RBPJ: variants seen among roughly 807,000 people sequenced by gnomAD.
RBPJ encodes the protein recombination signal binding protein for immunoglobulin kappa J region.
Under a neutral mutation model 67.8 loss-of-function variants are expected in RBPJ, and 9 were observed. The ratio of observed to expected loss-of-function variants is 0.13; its 90% confidence interval spans 0.08 to 0.23. The LOEUF (loss-of-function observed/expected upper bound fraction) is 0.23, where lower values mean the gene tolerates loss of function less well. RBPJ is among the 10% of genes least tolerant of loss of function. The pLI is 1.00. For synonymous variants in RBPJ, 198 were observed against 203.3 expected (o/e 0.97, Z 0.22); for missense variants, 305 against 595.6 (o/e 0.51, Z 5.08).
At chr4:26,378,001 G>C (rs188809287) in intron 1 of RBPJ, among the ~76,000 whole-genome samples, 1 of 152,070 alleles carries the variant, frequency 6.6e-6, no homozygotes, top group East Asian at 1.9e-4. Context: ...ACTGCGGAAG[G>C]GGAGATGAGA....
chr4:26,109,634 CTCTCTCTG>C, the RBPJ span, among the ~76,000 whole-genome samples: 3 of 32,558 alleles, frequency 9.2e-5, 1 homozygote, highest in African/African-American at 4.7e-4. Context: ...CTCTCTCTCT[CTCTCTCTG>C]TCTCTCTCTC....
chr4:26,174,480 A>G (rs1716725378), intron 1 of RBPJ, among the ~76,000 whole-genome samples: 1 of 151,954 alleles, frequency 6.6e-6, no homozygotes, highest in Non-Finnish European at 1.5e-5. Context: ...TTACTTATTT[A>G]TTTATTTGAG....
At chr4:26,167,431 C>G (rs1224976319) in intron 1 of RBPJ, among the ~76,000 whole-genome samples, 4 of 147,944 alleles carry the variant, frequency 2.7e-5, no homozygotes, top group Admixed American at 1.3e-4. Context: ...AGGTCCTTCA[C>G]GTCCCTTGTA....
rs1369900984 is a variant in RBPJ at position 26,272,642 on chromosome 4, G to A, written c.-166-89804G>A. The A allele has an allele frequency of 6.7e-6, 3 of 448,746 alleles. No homozygotes were observed. The Admixed American group carries it at 7.1e-5, about 11-fold the overall frequency. 27.8% of individuals were successfully genotyped at this position (448,746 alleles called of 1,614,324 possible). On this transcript the variant is annotated intron_variant, in intron 1 of 4. Transcript: ENST00000512351. ...TACAGATTTGGTTGCAGATGAACTT[G>A]CATTTTGTCTTCATTTTTTCCAAAG...
the RBPJ span, among the ~76,000 whole-genome samples, chr4:26,156,771 A>C: frequency 6.6e-6 from 1 of 151,890 alleles, no homozygotes; most frequent in African/African-American, 2.4e-5. Flanking sequence ...ATAATTTCTA[A>C]TTAAAACTAA....
the RBPJ span, among the ~76,000 whole-genome samples, chr4:26,142,054 C>T: frequency 7.9e-5 from 12 of 152,370 alleles, no homozygotes; most frequent in South Asian, 4.1e-4. Context: ...TGTTCCTTGC[C>T]GTGGTTAAGT....
At chr4:26,231,023 C>A (rs1004730804) in intron 1 of RBPJ, among the ~76,000 whole-genome samples, 1 of 152,166 alleles carries the variant, frequency 6.6e-6, no homozygotes, top group Non-Finnish European at 1.5e-5. Flanking sequence ...CATAAGCAGG[C>A]TCTATAAACA....
chr4:26,277,563 A>G (rs1324941796), intron 1 of RBPJ, among the ~76,000 whole-genome samples: 1 of 152,108 alleles, frequency 6.6e-6, no homozygotes, highest in Non-Finnish European at 1.5e-5. Context: ...AACCCGGCCA[A>G]GCTATAGGTG....
At position 26,204,861 on chromosome 4, in the gene RBPJ, G is replaced by A. The variant is rs548377114; in HGVS notation, c.-167+41247G>A. Among the ~76,000 whole-genome samples the A allele has an allele frequency of 2.0e-5, 3 of 152,282 alleles. No homozygotes were observed. In the East Asian group the frequency reaches 5.8e-4, roughly 29 times the overall value. On this transcript the variant is annotated intron_variant, in intron 1 of 4. Transcript: ENST00000512351. ...AGCCTTGTTTTATTACTGTTAGTGT[G>A]TGCCCTGGAGCATTCTTTCTGAGTT...
At chr4:26,243,727 A>T (rs572553381) in intron 1 of RBPJ, among the ~76,000 whole-genome samples, 1 of 152,326 alleles carries the variant, frequency 6.6e-6, no homozygotes, top group South Asian at 2.1e-4. Flanking sequence ...TTCATCTTCA[A>T]GAAACTATAA....
the RBPJ span, among the ~76,000 whole-genome samples, chr4:26,144,221 AT>A: frequency 1.4e-5 from 2 of 148,090 alleles, no homozygotes; most frequent in African/African-American, 5.0e-5. Flanking sequence ...ATTTGTTTCA[AT>A]TTTTTTATAG....
At chr4:26,282,528 TG>T (rs1252359107) in intron 1 of RBPJ, among the ~76,000 whole-genome samples, 3 of 145,516 alleles carry the variant, frequency 2.1e-5, no homozygotes, top group African/African-American at 2.8e-5. Context: ...TTTTTCTTTT[TG>T]TTTTTTTTGA....
chr4:26,416,809 A>T (rs768062535), intron 4 of RBPJ, among the ~76,000 whole-genome samples: 1 of 152,106 alleles, frequency 6.6e-6, no homozygotes, highest in Non-Finnish European at 1.5e-5. Flanking sequence ...AATTTTAGTG[A>T]TTTTACAGAT....
the RBPJ span, among the ~76,000 whole-genome samples, chr4:26,120,612 G>A: frequency 6.6e-6 from 1 of 150,546 alleles, no homozygotes; most frequent in Non-Finnish European, 1.5e-5. Flanking sequence ...GCACCATATT[G>A]CTCAATACCA....
chr4:26,187,468 CG>C (rs1717313635), intron 1 of RBPJ, among the ~76,000 whole-genome samples: 2 of 108,598 alleles, frequency 1.8e-5, no homozygotes, highest in Non-Finnish European at 3.8e-5. Context: ...AACATCTTCT[CG>C]AAGTAAGTAT....
At chr4:26,128,244 A>C in the RBPJ span, among the ~76,000 whole-genome samples, 1 of 152,242 alleles carries the variant, frequency 6.6e-6, no homozygotes, top group African/African-American at 2.4e-5. Flanking sequence ...TAAAAATGGA[A>C]GGATTCCCAG....
At chr4:26,124,429 T>TAC in the RBPJ span, among the ~76,000 whole-genome samples, 1 of 76,896 alleles carries the variant, frequency 1.3e-5, no homozygotes, top group Non-Finnish European at 2.7e-5. Flanking sequence ...TATATATATA[T>TAC]ATATATATAT....
At chr4:26,427,129 C>T (rs116364239) in intron 7 of RBPJ, among the ~76,000 whole-genome samples, 1 of 152,188 alleles carries the variant, frequency 6.6e-6, no homozygotes, top group African/African-American at 2.4e-5. Context: ...GACCCAGGAT[C>T]ATAGTATTAA....
At chr4:26,235,142 T>C (rs964716346) in intron 1 of RBPJ, among the ~76,000 whole-genome samples, 7 of 152,340 alleles carry the variant, frequency 4.6e-5, no homozygotes, top group Admixed American at 3.9e-4. Context: ...AAACCTTGCT[T>C]AATCAAGTAT....
Sources: allele counts gnomAD v4.1 joint callset (sites outside exome capture counted in the v4.1 genomes callset), GRCh38; gene constraint gnomAD v4.1.1; transcripts MANE v1.5; gene names NCBI Gene and HGNC (gene_info 2026-07-23, HGNC 2026-07-21).